Variants in MT4 observed in about 807,000 individuals in gnomAD.
The protein encoded by MT4 is metallothionein 4, also known as metallothionein-4.
Under a neutral mutation model 9.5 loss-of-function variants are expected in MT4, and 11 were observed. That is an observed-to-expected ratio of 1.16 (90% CI 0.73 to 1.92). The LOEUF is 1.92. MT4 is among the 30% of genes most tolerant of loss of function. The probability of loss-of-function intolerance (pLI) is 0.00; values close to 1 mark genes in which losing one functional copy is unlikely to be tolerated. For synonymous variants in MT4, 29 were observed against 24.6 expected (o/e 1.18, Z -0.53); for missense variants, 88 against 78.7 (o/e 1.12, Z -0.45).
chr16:56,568,024 G>A (rs1240000147), intron 2 of MT4, among the ~76,000 whole-genome samples: 1 of 151,588 alleles, frequency 6.6e-6, no homozygotes, highest in African/African-American at 2.4e-5. Flanking sequence ...ATGGTGGTGG[G>A]CACCTGTAAT....
At chr16:56,565,911 T>A (rs1959511978) in intron 1 of MT4, among the ~76,000 whole-genome samples, 1 of 150,258 alleles carries the variant, frequency 6.7e-6, no homozygotes, top group Admixed American at 6.6e-5. Flanking sequence ...AAATTTTTTT[T>A]AAACTTAGCT....
chr16:56,566,737 AGAAAGAAAGAAGGAAGGAAG>A (rs1567329847), intron 1 of MT4, among the ~76,000 whole-genome samples: 8 of 26,620 alleles, frequency 3.0e-4, no homozygotes, highest in Non-Finnish European at 4.6e-4. Context: ...AAAGAAAGAA[AGAAAGAAAGAAGGAAGGAAG>A]GAAGGAAGGA....
intron 1 of MT4, 147 bp downstream of exon 1, chr16:56,565,306 C>A: frequency 1.4e-6 from 1 of 729,850 alleles, no homozygotes. Flanking sequence ...GGACTGGCCA[C>A]CTCTGGGGCA....
intron 2 of MT4, among the ~76,000 whole-genome samples, chr16:56,568,582 C>T (rs1323796050): frequency 6.6e-6 from 1 of 152,146 alleles, no homozygotes; most frequent in East Asian, 1.9e-4. Flanking sequence ...GCCCTAGGTT[C>T]TAGTCTTGCT....
intron 1 of MT4, among the ~76,000 whole-genome samples, chr16:56,566,101 GAA>G (rs1201018550): frequency 6.6e-6 from 1 of 151,916 alleles, no homozygotes; most frequent in Non-Finnish European, 1.5e-5. Flanking sequence ...GAAAGAAAAT[GAA>G]GTCTCACAAG....
At chr16:56,567,299 C>T (rs559567749) in intron 1 of MT4, among the ~76,000 whole-genome samples, 26 of 152,058 alleles carry the variant, frequency 1.7e-4, no homozygotes, top group Admixed American at 1.6e-3. Flanking sequence ...GCTGGGATTA[C>T]AGACGTGAGC....
At chr16:56,566,708 AAG>A (rs1226998385) in intron 1 of MT4, among the ~76,000 whole-genome samples, 3 of 49,406 alleles carry the variant, frequency 6.1e-5, no homozygotes, top group African/African-American at 3.2e-4. Context: ...AAGAGAAAGA[AAG>A]AAAGAAAGAA....
At chr16:56,567,996 T>C (rs1292880780) in intron 2 of MT4, among the ~76,000 whole-genome samples, 180 bp downstream of exon 2, 2 of 151,432 alleles carry the variant, frequency 1.3e-5, no homozygotes, top group Admixed American at 1.3e-4. Flanking sequence ...CTACTAAAAA[T>C]ACAATAATTA....
At chr16:56,568,571 A>G (rs1875226) in intron 2 of MT4, among the ~76,000 whole-genome samples, 1,919 of 152,194 alleles carry the variant, frequency 0.013, 31 homozygotes, top group African/African-American at 0.044. Flanking sequence ...TGGAGTCATG[A>G]GCCCTAGGTT....
At chr16:56,566,740 A>AGG (rs1343284763) in intron 1 of MT4, among the ~76,000 whole-genome samples, 3 of 21,134 alleles carry the variant, frequency 1.4e-4, no homozygotes, top group Admixed American at 6.6e-4. Flanking sequence ...GAAAGAAAGA[A>AGG]AGAAAGAAGG....
chr16:56,568,263 GAGAGAGAGAGAA>G, intron 2 of MT4, among the ~76,000 whole-genome samples: 1 of 76,104 alleles, frequency 1.3e-5, no homozygotes, highest in Non-Finnish European at 2.7e-5. Flanking sequence ...AAGAAAGAGA[GAGAGAGAGAGAA>G]AGAAAGAAAG....
chr16:56,565,807 T>G (rs1012683577), intron 1 of MT4, among the ~76,000 whole-genome samples: 1 of 152,110 alleles, frequency 6.6e-6, no homozygotes, highest in African/African-American at 2.4e-5. Context: ...GGCTCACAAC[T>G]GTAGTCCCAG....
At chr16:56,565,764 G>T (rs1184910584) in intron 1 of MT4, among the ~76,000 whole-genome samples, 1 of 152,148 alleles carries the variant, frequency 6.6e-6, no homozygotes, top group Non-Finnish European at 1.5e-5. Context: ...TCATGGAAAT[G>T]GTATGAAGAA....
intron 2 of MT4, among the ~76,000 whole-genome samples, chr16:56,568,304 A>AGAAAGAAC (rs1959578998): frequency 6.9e-6 from 1 of 145,178 alleles, no homozygotes; most frequent in South Asian, 2.2e-4. Flanking sequence ...AAAGAAAGAA[A>AGAAAGAAC]GAAAGAAAGA....
chr16:56,568,197 A>AG (rs1233812578), intron 2 of MT4, among the ~76,000 whole-genome samples: 6 of 93,596 alleles, frequency 6.4e-5, no homozygotes, highest in African/African-American at 2.4e-4. Context: ...GGAAGGAAGG[A>AG]AGAGAGAGAG....
intron 1 of MT4, 102 bp downstream of exon 1, chr16:56,565,261 G>A (rs1395044450): frequency 7.6e-7 from 1 of 1,323,614 alleles, no homozygotes; most frequent in Non-Finnish European, 1.0e-6. Flanking sequence ...CTAATTAGGA[G>A]CCACCAATGG....
At position 56,568,271 on chromosome 16, in the gene MT4, G is replaced by GAGAAAGAAAGAA. The variant is rs58324349; in HGVS notation, c.97+511_98-503dup. On this transcript the variant is annotated intron_variant, in intron 2 of 2. Transcript: ENST00000219162. ...AGAAAGAAAGAAAGAGAGAGAGAGAGAGAAAGAAAGAAAGAAAGAAAGAAA... is the reference window on the plus strand; with the variant it reads ...AGAAAGAAAGAAAGAGAGAGAGAGAGAGAAAGAAAGAAAGAAAGAAAGAAAGAAAGAAAGAAA... Among the ~76,000 whole-genome samples, 102 of 58,564 alleles carry GAGAAAGAAAGAA rather than the reference G, an allele frequency of 1.7e-3. 2 individuals are homozygous for GAGAAAGAAAGAA. Among genetic ancestry groups the GAGAAAGAAAGAA allele is most frequent in the East Asian group, 7.3e-3 (12 of 1,650 alleles). 38.4% of individuals were successfully genotyped at this position (58,564 alleles called of 152,430 possible).
Position 56,568,788 on chromosome 16 carries a change from T to C in MT4, c.98-53T>C, listed in dbSNP as rs578001706. The C allele has an allele frequency of 7.1e-6, 9 of 1,272,524 alleles. No homozygotes were observed. In the East Asian group the frequency reaches 7.4e-5, roughly 10 times the overall value. 78.8% of individuals were successfully genotyped at this position (1,272,524 alleles called of 1,614,324 possible). ...CTCTAAGTAGTGGGAGGGGCAGTGG[T>C]GAGATGGAAGTGTTGACCCACAGCG... is the stretch of plus-strand genomic sequence containing the variant. On this transcript the variant is annotated intron_variant, in intron 2 of 2. Transcript: ENST00000219162.
rs666636 is a variant in MT4 at position 56,567,808 on chromosome 16, A to C, written c.89A>C (p.Tyr30Ser). 5 of 1,612,514 alleles carry C rather than the reference A, an allele frequency of 3.1e-6. No homozygotes were observed. Among genetic ancestry groups the C allele is most frequent in the Non-Finnish European group, 1.7e-6 (2 of 1,179,070 alleles). Residue 30 changes from tyrosine (Y) to serine (S), a missense_variant, in exon 2 of 3, where the codon TAT becomes TCT. Transcript: ENST00000219162. ...TGCACAACCTGCAACTGTAAAACAT[A>C]TTGGAAGAGTGAGTATGGTGACTGG... is the stretch of plus-strand genomic sequence containing the variant. ...CKCTTCNCKT[Y>S]WKSCCPCCPP...
Sources: gnomAD v4.1 joint callset for allele counts (sites outside exome capture counted in the v4.1 genomes callset) on GRCh38, gnomAD v4.1.1 for gene constraint, MANE v1.5 for transcripts, NCBI Gene and HGNC (gene_info 2026-07-23, HGNC 2026-07-21) for gene names.